The following APOL1 variants were observed in gnomAD, a reference collection of about 807,000 sequenced individuals.
APOL1 encodes apolipoprotein L 1.
Under a neutral mutation model 14.9 loss-of-function variants are expected in APOL1, and 17 were observed. The ratio of observed to expected loss-of-function variants is 1.14; its 90% CI spans 0.78 to 1.71. The LOEUF (loss-of-function observed/expected upper bound fraction) is 1.71, where lower values mean the gene tolerates loss of function less well. APOL1 is among the 40% of genes most tolerant of loss of function. The pLI is 0.00. For synonymous variants in APOL1, 195 were observed against 184.8 expected, an observed-to-expected ratio of 1.05 and a Z score of -0.45; for missense variants, 523 against 485.9, an observed-to-expected ratio of 1.08 and a Z score of -0.72.
chr22:36,258,233 G>A (rs932086133), intron 4 of APOL1, among the ~76,000 whole-genome samples: 7 of 152,182 alleles, frequency 4.6e-5, no homozygotes, highest in African/African-American at 1.7e-4. Context: ...TCAGGCAGGG[G>A]CTGAGTTCAG....
rs1425483660 is a variant in APOL1 at position 36,266,728 on chromosome 22, A to AC, written c.*699dup. ...AGACCATCCTGGCTAACACAGTGAA[A>AC]CCCCGTCTCTACTAAAAATACAAAA... On this transcript the variant is annotated 3_prime_UTR_variant, in exon 6 of 6. Coordinates refer to ENST00000397278, the MANE Select transcript of APOL1 (RefSeq NM_003661.4). 1.2e-5 allele frequency: 4 copies of AC among 336,166 alleles called. No homozygotes were observed. Among genetic ancestry groups the AC allele is most frequent in the Non-Finnish European group, 2.2e-5 (4 of 185,398 alleles). 20.8% of individuals were successfully genotyped at this position (336,166 alleles called of 1,614,324 possible).
At chr22:36,264,935 C>G (rs890885067) in intron 5 of APOL1, among the ~76,000 whole-genome samples, 4 of 151,702 alleles carry the variant, frequency 2.6e-5, no homozygotes, top group African/African-American at 9.7e-5. Flanking sequence ...CCTCAGCCTC[C>G]TGAGTAGCTG....
chr22:36,258,387 G>A (rs1296503596), intron 4 of APOL1, among the ~76,000 whole-genome samples: 3 of 152,238 alleles, frequency 2.0e-5, no homozygotes, highest in Non-Finnish European at 4.4e-5. Context: ...CGGAGACAAG[G>A]TTTATCGGGT....
rs1279536722 is a variant in APOL1 at position 36,261,677 on chromosome 22, A to T, written c.269A>T (p.Asp90Val). Residue 90 changes from aspartate (D) to valine (V), a missense_variant, in exon 5 of 6, where the codon GAT becomes GTT. Transcript: ENST00000397278. ...STQNLLLLLT[D>V]NEAWNGFVAA... ...CAGAATCTGCTACTCCTGCTGACTG[A>T]TAATGAGGCCTGGAACGGATTCGTG... is the stretch of plus-strand genomic sequence containing the variant. 6.2e-7 allele frequency: 1 copy of T among 1,614,190 alleles called. No individual in the cohort carries two copies. Among genetic ancestry groups the T allele is most frequent in the Non-Finnish European group, 8.5e-7 (1 of 1,180,008 alleles).
intron 5 of APOL1, among the ~76,000 whole-genome samples, chr22:36,262,802 G>A (rs1406418314): frequency 1.3e-5 from 2 of 152,198 alleles, no homozygotes; most frequent in African/African-American, 4.8e-5. Context: ...GCTACCCTTT[G>A]AGACCTTCTT....
At chr22:36,254,275 T>C (rs1342087254) in intron 1 of APOL1, among the ~76,000 whole-genome samples, 1 of 152,170 alleles carries the variant, frequency 6.6e-6, no homozygotes. Context: ...TGGTCTTATT[T>C]GTTCTTCACC....
At position 36,255,148 on chromosome 22, in the gene APOL1, C is replaced by T; in HGVS notation, c.44+149C>T. The T allele has an allele frequency of 3.0e-6, 3 of 1,001,842 alleles. 1 individual carries two copies. In the South Asian group the frequency reaches 4.0e-5, roughly 13 times the overall value. The allele number at this position is 1,001,842 out of a possible 1,614,324, so 62.1% of individuals were successfully genotyped here. On this transcript the variant is annotated intron_variant, in intron 2 of 5. Transcript: ENST00000397278. Reference sequence around the variant, plus strand: ...GAATTGACCAACCGGCAGACTCGCCCAGGGAGGACCCGCTGTATCCTAGTT... The same window carrying T: ...GAATTGACCAACCGGCAGACTCGCCTAGGGAGGACCCGCTGTATCCTAGTT...
Position 36,265,645 on chromosome 22 carries a change from G to C in APOL1, c.809G>C (p.Gly270Ala), listed in dbSNP as rs73403889. 2 of 1,597,772 alleles carry C rather than the reference G, an allele frequency of 1.3e-6. No homozygotes were observed. The highest frequency in any genetic ancestry group is 1.7e-6 in the Non-Finnish European group (2 of 1,172,010). ...ENISNFLSLAGNTYQLTRGIG... is the reference protein window; with the variant it reads ...ENISNFLSLAANTYQLTRGIG... ...ATATCCAACTTTCTTTCCTTAGCTG[G>C]CAATACTTACCAACTCACACGAGGC... The change falls in exon 6 of 6, where the codon GGC becomes GCC. Residue 270 changes from glycine (G) to alanine (A), a missense_variant. Gly to Ala is a moderately conservative substitution (Grantham distance 60). Transcript: ENST00000397278.
In APOL1 at chr22:36,265,192, C is replaced by T; in HGVS notation, c.356C>T (p.Ala119Val). The T allele has an allele frequency of 6.2e-7, 1 of 1,614,166 alleles. No individual in the cohort carries two copies. Among genetic ancestry groups the T allele is most frequent in the Non-Finnish European group, 8.5e-7 (1 of 1,180,040 alleles). ...DELRKALDNLARQMIMKDKNW... is the reference protein window; with the variant it reads ...DELRKALDNLVRQMIMKDKNW... ...CTCCGTAAAGCTCTGGACAACCTTG[C>T]AAGACAAATGATCATGAAAGACAAA... Residue 119 changes from alanine to valine, a missense_variant, in exon 6 of 6, where the codon GCA (alanine) becomes GTA (valine). Coordinates refer to ENST00000397278, the MANE Select transcript of APOL1 (RefSeq NM_003661.4).
chr22:36,261,921 G>A (rs1346583149), intron 5 of APOL1, among the ~76,000 whole-genome samples, 199 bp downstream of exon 5: 50 of 152,240 alleles, frequency 3.3e-4, no homozygotes, highest in Admixed American at 3.3e-3. Flanking sequence ...TGAGGGGATA[G>A]GAAGCCCACA....
At chr22:36,258,898 C>T (rs932872776) in intron 4 of APOL1, among the ~76,000 whole-genome samples, 5 of 152,106 alleles carry the variant, frequency 3.3e-5, no homozygotes, top group South Asian at 2.1e-4. Flanking sequence ...TCAGACCCAG[C>T]GCCGAGTTGG....
Position 36,265,273 on chromosome 22 carries a change from G to A in APOL1, c.437G>A (p.Arg146Gln), listed in dbSNP as rs757047533. The change falls in exon 6 of 6, where the codon CGG (arginine) becomes CAG (glutamine). Residue 146 changes from arginine (R) to glutamine (Q), a missense_variant. Transcript: ENST00000397278. The stretch of plus-strand genomic sequence containing the variant: ...AACTGGTTTCTGAAAGAGTTTCCTC[G>A]GTTGAAAAGTGAGCTTGAGGATAAC... ...YRNWFLKEFPRLKSELEDNIR... is the reference protein window; with the variant it reads ...YRNWFLKEFPQLKSELEDNIR... The A allele has an allele frequency of 4.9e-5, 79 of 1,614,070 alleles. 1 individual carries two copies. In the South Asian group the frequency reaches 5.5e-4, roughly 11 times the overall value.
intron 5 of APOL1, among the ~76,000 whole-genome samples, chr22:36,264,775 A>T (rs2016178093): frequency 6.6e-6 from 1 of 150,880 alleles, no homozygotes; most frequent in Non-Finnish European, 1.5e-5. Context: ...TAGAGATCAC[A>T]TGGAGCTCAT....
intron 5 of APOL1, among the ~76,000 whole-genome samples, chr22:36,264,834 T>TTTGC (rs2016182402): frequency 7.0e-6 from 1 of 143,134 alleles, no homozygotes; most frequent in Non-Finnish European, 1.5e-5. Context: ...TTTTTTTGAG[T>TTTGC]TGGAGTCTTG....
chr22:36,260,592 G>A (rs2016045800), intron 4 of APOL1, among the ~76,000 whole-genome samples: 1 of 116,394 alleles, frequency 8.6e-6, no homozygotes, highest in Non-Finnish European at 1.9e-5. Flanking sequence ...TGAGTTCTTT[G>A]TAGACCTACC....
At chr22:36,261,559 C>T in intron 4 of APOL1, 37 bp from the exon 5 acceptor site, 1 of 1,600,016 alleles carries the variant, frequency 6.2e-7, no homozygotes, top group Non-Finnish European at 8.6e-7. Flanking sequence ...CACTCCCACA[C>T]TTTCCTCCAA....
intron 4 of APOL1, among the ~76,000 whole-genome samples, chr22:36,260,412 G>A (rs1234810336): frequency 2.0e-5 from 3 of 152,048 alleles, no homozygotes; most frequent in Non-Finnish European, 2.9e-5. Flanking sequence ...AAAAGAATGA[G>A]GTCTCTTGTG....
At chr22:36,262,023 G>A (rs1018986659) in intron 5 of APOL1, among the ~76,000 whole-genome samples, 2 of 152,228 alleles carry the variant, frequency 1.3e-5, no homozygotes, top group Non-Finnish European at 2.9e-5. Context: ...GAGTTTTATT[G>A]TGAGAAAAAT....
chr22:36,258,260 C>T (rs567022644), intron 4 of APOL1, among the ~76,000 whole-genome samples: 79 of 152,284 alleles, frequency 5.2e-4, no homozygotes, highest in African/African-American at 9.9e-4. Context: ...AAAATACCCC[C>T]GGTCAAAGAA....
Sources: allele counts gnomAD v4.1 joint callset (sites outside exome capture counted in the v4.1 genomes callset), GRCh38; gene constraint gnomAD v4.1.1; transcripts MANE v1.5; gene names NCBI Gene and HGNC (gene_info 2026-07-23, HGNC 2026-07-21).